The following SYN3 variants were observed in gnomAD, a reference collection of about 807,000 sequenced individuals.
SYN3 encodes synapsin-3.
In SYN3, 35 loss-of-function variants were observed where a neutral mutation model predicts 65.8. The ratio of observed to expected loss-of-function variants is 0.53; its 90% confidence interval spans 0.41 to 0.70. The LOEUF (loss-of-function observed/expected upper bound fraction) is 0.70, where lower values mean the gene tolerates loss of function less well. Among genes scored for constraint, SYN3 ranks in the 30% least tolerant of loss-of-function variants. SYN3 has a pLI of 0.00. For synonymous variants in SYN3, 270 were observed against 292.9 expected (o/e 0.92, Z 0.80); for missense variants, 680 against 749.0 (o/e 0.91, Z 1.08).
intron 1 of SYN3, among the ~76,000 whole-genome samples, chr22:33,035,859 A>C (rs2053849948): frequency 6.6e-6 from 1 of 152,224 alleles, no homozygotes; most frequent in Non-Finnish European, 1.5e-5. Context: ...TTGGGATTAC[A>C]GGCATGAGCC....
chr22:32,821,018 A>G (rs374661824), intron 6 of SYN3, among the ~76,000 whole-genome samples: 1 of 152,132 alleles, frequency 6.6e-6, no homozygotes, highest in African/African-American at 2.4e-5. Context: ...TGCTCTTTCA[A>G]TATGATCTCA....
intron 6 of SYN3, among the ~76,000 whole-genome samples, chr22:32,621,916 G>C (rs1212473026): frequency 1.3e-5 from 2 of 152,032 alleles, no homozygotes; most frequent in African/African-American, 2.4e-5. Context: ...CCAATGCCCA[G>C]GTGAGCCTTG....
intron 6 of SYN3, among the ~76,000 whole-genome samples, chr22:32,775,499 G>A (rs575304316): frequency 1.3e-5 from 2 of 152,292 alleles, no homozygotes; most frequent in African/African-American, 4.8e-5. Flanking sequence ...TGAGGCAAAA[G>A]TACCCCTTCT....
intron 6 of SYN3, among the ~76,000 whole-genome samples, chr22:32,686,665 C>T (rs974509629): frequency 8.5e-5 from 1 of 11,736 alleles, no homozygotes; most frequent in Non-Finnish European, 1.8e-4. Flanking sequence ...GGCATGATCT[C>T]GGCTCACTGC....
At chr22:32,576,126 G>A (rs182528000) in intron 7 of SYN3, among the ~76,000 whole-genome samples, 3 of 152,208 alleles carry the variant, frequency 2.0e-5, no homozygotes, top group Admixed American at 6.5e-5. Flanking sequence ...TGGTTCTATC[G>A]ACATATAGAC....
intron 4 of SYN3, among the ~76,000 whole-genome samples, chr22:32,903,688 C>G (rs562229993): frequency 1.4e-4 from 22 of 152,358 alleles, no homozygotes; most frequent in African/African-American, 4.6e-4. Flanking sequence ...CTTCCAGGTA[C>G]CCAAGAAGGG....
chr22:32,537,693 A>T (rs922455129), intron 9 of SYN3, among the ~76,000 whole-genome samples: 2 of 151,992 alleles, frequency 1.3e-5, no homozygotes, highest in Non-Finnish European at 2.9e-5. Flanking sequence ...GGGCTTCCTG[A>T]CCTCTTCCTA....
chr22:32,976,539 A>G (rs1260358593), intron 3 of SYN3, among the ~76,000 whole-genome samples: 14 of 152,134 alleles, frequency 9.2e-5, no homozygotes, highest in African/African-American at 3.4e-4. Context: ...CAGAGGGGTG[A>G]CTTGTGCCTG....
chr22:32,906,769 C>G (rs913814509), intron 4 of SYN3, among the ~76,000 whole-genome samples: 2 of 151,988 alleles, frequency 1.3e-5, no homozygotes. Context: ...TTGGTTTTCT[C>G]TTCCTGTGTT....
At chr22:32,963,061 T>C (rs2051709862) in intron 3 of SYN3, among the ~76,000 whole-genome samples, 1 of 147,400 alleles carries the variant, frequency 6.8e-6, no homozygotes, top group African/African-American at 2.5e-5. Context: ...ATTGTCTCTA[T>C]TATTGACATT....
chr22:32,533,101 C>T (rs1006495592), intron 10 of SYN3, among the ~76,000 whole-genome samples: 2 of 151,670 alleles, frequency 1.3e-5, no homozygotes, highest in Admixed American at 1.3e-4. Flanking sequence ...GAGGAAGCGG[C>T]GGGGATGGGA....
chr22:32,947,053 T>C (rs2051134870), intron 3 of SYN3, among the ~76,000 whole-genome samples: 1 of 152,204 alleles, frequency 6.6e-6, no homozygotes, highest in African/African-American at 2.4e-5. Flanking sequence ...AACGAATAAA[T>C]GGTGGAAAAG....
intron 6 of SYN3, among the ~76,000 whole-genome samples, chr22:32,608,768 G>T (rs1262272605): frequency 6.6e-6 from 1 of 152,122 alleles, no homozygotes; most frequent in Non-Finnish European, 1.5e-5. Flanking sequence ...CTATAAATGG[G>T]AATAAGCACA....
intron 7 of SYN3, among the ~76,000 whole-genome samples, chr22:32,595,162 T>C (rs190416232): frequency 2.0e-5 from 3 of 152,312 alleles, no homozygotes; most frequent in Non-Finnish European, 4.4e-5. Flanking sequence ...CATCCCATTG[T>C]TGAGGCCAAG....
At chr22:32,572,376 TCCCATCTTTCC>T (rs2058779177) in intron 7 of SYN3, among the ~76,000 whole-genome samples, 1 of 77,788 alleles carries the variant, frequency 1.3e-5, no homozygotes. Context: ...CCACCCTCCC[TCCCATCTTTCC>T]TTCCTTCCCT....
chr22:32,907,287 A>C (rs924390324), intron 4 of SYN3, among the ~76,000 whole-genome samples: 3 of 152,222 alleles, frequency 2.0e-5, no homozygotes, highest in Admixed American at 6.5e-5. Flanking sequence ...GGCACAGAGA[A>C]GCTAAGAAGC....
intron 6 of SYN3, among the ~76,000 whole-genome samples, chr22:32,788,794 A>G (rs2046254384): frequency 6.6e-6 from 1 of 152,236 alleles, no homozygotes; most frequent in African/African-American, 2.4e-5. Context: ...ATTATTGTTT[A>G]TCATGACTTG....
chr22:33,002,131 A>G (rs1184588710), intron 2 of SYN3, among the ~76,000 whole-genome samples: 1 of 152,240 alleles, frequency 6.6e-6, no homozygotes, highest in African/African-American at 2.4e-5. Flanking sequence ...GATGCTTTAC[A>G]TAAACACATA....
chr22:32,557,785 T>C (rs1420306418), intron 7 of SYN3, among the ~76,000 whole-genome samples: 4 of 152,248 alleles, frequency 2.6e-5, no homozygotes, highest in Non-Finnish European at 5.9e-5. Context: ...CTTACTGGTC[T>C]GGCACTTCCT....
Sources: allele counts gnomAD v4.1 joint callset (sites outside exome capture counted in the v4.1 genomes callset), GRCh38; gene constraint gnomAD v4.1.1; transcripts MANE v1.5; gene names NCBI Gene and HGNC (gene_info 2026-07-23, HGNC 2026-07-21).